Variants in UNC5D observed in about 807,000 individuals in gnomAD.
The protein encoded by UNC5D is unc-5 netrin receptor D.
Under a neutral mutation model 105.4 loss-of-function variants are expected in UNC5D, and 39 were observed. The observed-to-expected ratio is 0.37, with a 90% CI of 0.29 to 0.48. UNC5D has a LOEUF of 0.48. Ranked by LOEUF, UNC5D falls within the 20% of genes least tolerant of loss-of-function variation. The probability of loss-of-function intolerance (pLI) is 0.98; values close to 1 mark genes in which losing one functional copy is unlikely to be tolerated. For synonymous variants in UNC5D, 452 were observed against 450.4 expected (o/e 1.00, Z -0.04); for missense variants, 991 against 1,202.4 (o/e 0.82, Z 2.60).
chr8:35,477,857 C>T (rs1457987147), intron 1 of UNC5D, among the ~76,000 whole-genome samples: 1 of 151,940 alleles, frequency 6.6e-6, no homozygotes, highest in Non-Finnish European at 1.5e-5. Context: ...AATGACCACT[C>T]TTATTGAGTT....
chr8:35,331,657 G>A (rs2128894245), intron 1 of UNC5D, among the ~76,000 whole-genome samples: 1 of 152,232 alleles, frequency 6.6e-6, no homozygotes, highest in Admixed American at 6.5e-5. Context: ...TCTTTTTAAT[G>A]TTTCTTTTTC....
intron 16 of UNC5D, 106 bp downstream of exon 16, chr8:35,774,583 T>C (rs1802154948): frequency 7.2e-7 from 1 of 1,383,860 alleles, no homozygotes; most frequent in Admixed American, 2.2e-5. Flanking sequence ...TTTTTATGAG[T>C]TCCTCTGGCC....
At chr8:35,754,675 T>G (rs1293310661) in intron 13 of UNC5D, among the ~76,000 whole-genome samples, 1 of 152,202 alleles carries the variant, frequency 6.6e-6, no homozygotes, top group East Asian at 1.9e-4. Context: ...AATTTCAGTA[T>G]CTAAATAGGG....
chr8:35,643,844 C>G (rs1443384571), intron 4 of UNC5D, among the ~76,000 whole-genome samples: 1 of 152,158 alleles, frequency 6.6e-6, no homozygotes, highest in Admixed American at 6.5e-5. Context: ...TAAGCCCTAT[C>G]AACAAAACTA....
intron 1 of UNC5D, among the ~76,000 whole-genome samples, chr8:35,344,853 A>T (rs1811691870): frequency 6.6e-6 from 1 of 152,074 alleles, no homozygotes; most frequent in African/African-American, 2.4e-5. Context: ...AAATTCCTTT[A>T]AGAAGCACAC....
At chr8:35,395,703 A>G (rs897942282) in intron 1 of UNC5D, among the ~76,000 whole-genome samples, 1 of 152,224 alleles carries the variant, frequency 6.6e-6, no homozygotes. Flanking sequence ...ACAACAGCTA[A>G]CACTAGATTT....
At chr8:35,724,978 G>A (rs2131548040) in intron 9 of UNC5D, among the ~76,000 whole-genome samples, 1 of 152,204 alleles carries the variant, frequency 6.6e-6, no homozygotes, top group South Asian at 2.1e-4. Flanking sequence ...TAGCTCTATA[G>A]CATTATTTAT....
intron 1 of UNC5D, among the ~76,000 whole-genome samples, chr8:35,445,700 A>G (rs988862598): frequency 6.6e-6 from 1 of 152,058 alleles, no homozygotes; most frequent in African/African-American, 2.4e-5. Flanking sequence ...GGGAACATCA[A>G]CATCACCTGG....
chr8:35,393,140 T>A lies in UNC5D; in HGVS notation c.104-156152T>A, dbSNP rs1331114839. Among the ~76,000 whole-genome samples the A allele has an allele frequency of 9.3e-5, 13 of 139,532 alleles. No individual in the cohort carries two copies. In the East Asian group the frequency reaches 1.2e-3, roughly 13 times the overall value. 91.5% of individuals were successfully genotyped at this position (139,532 alleles called of 152,430 possible). On this transcript the variant is annotated intron_variant, in intron 1 of 16. Transcript: ENST00000404895. Reference sequence around the variant, plus strand: ...CCTATTCCTACTTTTTTTTTTTTTTTTTTTTTTTTTTTGAGACGGAGTCTC... The same window carrying A: ...CCTATTCCTACTTTTTTTTTTTTTTATTTTTTTTTTTTGAGACGGAGTCTC...
chr8:35,566,876 G>C (rs1563541901), intron 2 of UNC5D, among the ~76,000 whole-genome samples: 1 of 152,170 alleles, frequency 6.6e-6, no homozygotes, highest in African/African-American at 2.4e-5. Flanking sequence ...CGTGCTGGCT[G>C]TGAAGGCTGC....
At chr8:35,477,440 CCT>C (rs1810184126) in intron 1 of UNC5D, among the ~76,000 whole-genome samples, 1 of 151,718 alleles carries the variant, frequency 6.6e-6, no homozygotes, top group Admixed American at 6.6e-5. Flanking sequence ...TGAAAATCAA[CCT>C]CTGGTTTCTT....
chr8:35,716,895 TTC>T (rs1228735748), intron 8 of UNC5D, among the ~76,000 whole-genome samples: 1 of 152,242 alleles, frequency 6.6e-6, no homozygotes, highest in African/African-American at 2.4e-5. Flanking sequence ...TAACAATAAC[TTC>T]TGTTTCATCA....
chr8:35,681,834 G>A (rs1030114439), intron 4 of UNC5D, among the ~76,000 whole-genome samples: 1 of 152,126 alleles, frequency 6.6e-6, no homozygotes, highest in African/African-American at 2.4e-5. Context: ...GGATATTTAA[G>A]CTCTCATTCA....
Position 35,705,902 on chromosome 8 carries a change from TTCTTTTTC to T in UNC5D, c.1085-25_1085-18del, listed in dbSNP as rs772312411. ...CCATGTAAATTTATTAAATGCAACT[TTCTTTTTC>T]TTTCTTTCTTTCTTTTAGATAAAAA... is the stretch of plus-strand genomic sequence containing the variant. On this transcript the variant is annotated intron_variant, in intron 7 of 16. Coordinates refer to ENST00000404895, the MANE Select transcript of UNC5D (RefSeq NM_080872.4). 1.5e-6 allele frequency: 2 copies of T among 1,307,828 alleles called. No homozygotes were observed. Among genetic ancestry groups the T allele is most frequent in the East Asian group, 4.9e-5 (2 of 40,518 alleles). 81.0% of individuals were successfully genotyped at this position (1,307,828 alleles called of 1,614,324 possible).
chr8:35,302,614 G>A (rs1808044712), intron 1 of UNC5D, among the ~76,000 whole-genome samples: 2 of 152,182 alleles, frequency 1.3e-5, no homozygotes, highest in African/African-American at 4.8e-5. Flanking sequence ...AATAGAAAAT[G>A]AGTTAAATTT....
At chr8:35,263,346 C>T (rs2950904) in intron 1 of UNC5D, among the ~76,000 whole-genome samples, 54,633 of 152,036 alleles carry the variant, frequency 0.36, 10,787 homozygotes, top group Non-Finnish European at 0.43. Context: ...TGAGAGACTG[C>T]GTTTTAGTCA....
chr8:35,654,477 C>T (rs1823611201), intron 4 of UNC5D, among the ~76,000 whole-genome samples: 1 of 152,154 alleles, frequency 6.6e-6, no homozygotes, highest in South Asian at 2.1e-4. Context: ...CCTGTCTATA[C>T]GCGTGGCTCA....
At chr8:35,746,643 C>T (rs1400287044) in intron 11 of UNC5D, among the ~76,000 whole-genome samples, 29 of 152,148 alleles carry the variant, frequency 1.9e-4, no homozygotes, top group Admixed American at 1.9e-3. Context: ...CTATTCACAA[C>T]GAGTGTGAGA....
At chr8:35,747,003 G>A (rs968456763) in intron 11 of UNC5D, among the ~76,000 whole-genome samples, 8 of 152,158 alleles carry the variant, frequency 5.3e-5, no homozygotes, top group African/African-American at 1.7e-4. Context: ...TTCCAGTCCC[G>A]CTCTCCTTGC....
Sources: gnomAD v4.1 joint callset for allele counts (sites outside exome capture counted in the v4.1 genomes callset) on GRCh38, gnomAD v4.1.1 for gene constraint, MANE v1.5 for transcripts, NCBI Gene and HGNC (gene_info 2026-07-23, HGNC 2026-07-21) for gene names.